RALGAPA2: variants seen among roughly 807,000 people sequenced by gnomAD.
The protein encoded by RALGAPA2 is ral GTPase-activating protein subunit alpha-2.
Under a neutral mutation model 230.4 loss-of-function variants are expected in RALGAPA2, and 139 were observed. The observed-to-expected ratio is 0.60, with a 90% confidence interval of 0.53 to 0.69. The LOEUF (loss-of-function observed/expected upper bound fraction) is 0.69. RALGAPA2 is among the 30% of genes least tolerant of loss of function. The probability of loss-of-function intolerance (pLI) is 0.00; values close to 1 mark genes in which losing one functional copy is unlikely to be tolerated. For synonymous variants in RALGAPA2, 847 were observed against 837.8 expected (o/e 1.01, Z -0.19); for missense variants, 2,163 against 2,276.0 (o/e 0.95, Z 1.01).
At chr20:20,540,788 T>C (rs573542799) in intron 24 of RALGAPA2, among the ~76,000 whole-genome samples, 1 of 152,080 alleles carries the variant, frequency 6.6e-6, no homozygotes, top group African/African-American at 2.4e-5. Flanking sequence ...TAAAAATTTA[T>C]ATATTTAAAG....
Position 20,512,781 on chromosome 20 carries a change from T to C in RALGAPA2, c.4588A>G (p.Thr1530Ala). ...LDKLLENIGH[T>A]SPECLLPSQL... ...GACGGTAAAAGGCATTCAGGACTTGTATGGCCAATGTTTTCAAGTAATTTG... is the reference window on the plus strand; with the variant it reads ...GACGGTAAAAGGCATTCAGGACTTGCATGGCCAATGTTTTCAAGTAATTTG... Residue 1530 changes from threonine (T) to alanine (A), a missense_variant, in exon 32 of 40, where the codon ACA becomes GCA. Transcript: ENST00000202677. 6.2e-7 allele frequency: 1 copy of C among 1,613,896 alleles called. No homozygotes were observed. The highest frequency in any genetic ancestry group is 8.5e-7 in the Non-Finnish European group (1 of 1,179,772).
At chr20:20,460,627 C>T (rs1023577349) in intron 37 of RALGAPA2, among the ~76,000 whole-genome samples, 1 of 152,182 alleles carries the variant, frequency 6.6e-6, no homozygotes, top group Non-Finnish European at 1.5e-5. Context: ...TTTTACATTG[C>T]TTTATGTTTC....
chr20:20,403,705 C>A (rs1453194930), intron 38 of RALGAPA2, among the ~76,000 whole-genome samples: 1 of 152,128 alleles, frequency 6.6e-6, no homozygotes, highest in Non-Finnish European at 1.5e-5. Flanking sequence ...TTCTCTGCAC[C>A]CTAGGGATGT....
chr20:20,702,051 AAAAAG>A, intron 1 of RALGAPA2, among the ~76,000 whole-genome samples: 1 of 152,130 alleles, frequency 6.6e-6, no homozygotes, highest in South Asian at 2.1e-4. Flanking sequence ...ATAAAAAAAA[AAAAAG>A]AAAGAAAGAA....
chr20:20,405,703 G>A (rs550441281), intron 38 of RALGAPA2, among the ~76,000 whole-genome samples: 103 of 152,238 alleles, frequency 6.8e-4, no homozygotes, highest in African/African-American at 2.4e-3. Flanking sequence ...TCAGTTACTC[G>A]GTCTGTGGAT....
intron 3 of RALGAPA2, among the ~76,000 whole-genome samples, chr20:20,669,838 G>A (rs527506136): frequency 7.9e-5 from 12 of 152,192 alleles, no homozygotes; most frequent in Non-Finnish European, 8.8e-5. Flanking sequence ...TGATTAAAAC[G>A]AATCTCAGGT....
intron 23 of RALGAPA2, among the ~76,000 whole-genome samples, chr20:20,567,678 G>C (rs1280729605): frequency 6.6e-6 from 1 of 151,718 alleles, no homozygotes; most frequent in Non-Finnish European, 1.5e-5. Context: ...ATATTTTTTT[G>C]AAGTTTCATT....
At position 20,605,399 on chromosome 20, in the gene RALGAPA2, G is replaced by C; in HGVS notation, c.1814C>G (p.Ala605Gly). 6.2e-7 allele frequency: 1 copy of C among 1,613,146 alleles called. No individual in the cohort carries two copies. The highest frequency in any genetic ancestry group is 8.5e-7 in the Non-Finnish European group (1 of 1,179,296). The change falls in exon 15 of 40, where the codon GCT becomes GGT. Residue 605 changes from alanine (A) to glycine (G), a missense_variant. Transcript: ENST00000202677. Reference protein sequence around the residue: ...AGLLFRTLMVAWIRANLCVYI... With the variant: ...AGLLFRTLMVGWIRANLCVYI... The stretch of plus-strand genomic sequence containing the variant: ...CACACAGAGGTTTGCTCGGATCCAA[G>C]CTACCATGAGCGTCTAAAACCAACC...
chr20:20,686,338 G>T (rs1054621950), intron 1 of RALGAPA2, among the ~76,000 whole-genome samples: 1 of 152,162 alleles, frequency 6.6e-6, no homozygotes, highest in Non-Finnish European at 1.5e-5. Context: ...TTGAGGTCAG[G>T]AGTTCAAGAC....
At chr20:20,590,018 A>T (rs2065240948) in intron 17 of RALGAPA2, among the ~76,000 whole-genome samples, 1 of 151,182 alleles carries the variant, frequency 6.6e-6, no homozygotes, top group Non-Finnish European at 1.5e-5. Context: ...AAATTATATT[A>T]ATATAATATG....
chr20:20,669,008 AG>A lies in RALGAPA2; in HGVS notation c.270+7227del, dbSNP rs569373225. ...GGAAGGCTAATGACAAGATAGAAAC[AG>A]GGTTTAATATAGTGGGGTAATTTAA... is the stretch of plus-strand genomic sequence containing the variant. On this transcript the variant is annotated intron_variant, in intron 3 of 39. Coordinates refer to ENST00000202677, the MANE Select transcript of RALGAPA2 (RefSeq NM_020343.4). 6.6e-5 allele frequency among the ~76,000 whole-genome samples: 10 copies of A among 152,322 alleles called. No individual in the cohort carries two copies. The South Asian group carries it at 2.1e-3, about 32-fold the overall frequency.
intron 27 of RALGAPA2, among the ~76,000 whole-genome samples, chr20:20,529,155 C>T (rs2063304973): frequency 6.6e-6 from 1 of 152,206 alleles, no homozygotes; most frequent in African/African-American, 2.4e-5. Flanking sequence ...AATGAGTTTC[C>T]TGTTATTAAT....
intron 23 of RALGAPA2, among the ~76,000 whole-genome samples, chr20:20,568,330 T>A (rs1195475498): frequency 6.6e-6 from 1 of 152,182 alleles, no homozygotes; most frequent in South Asian, 2.1e-4. Flanking sequence ...CTTGATAAAT[T>A]CATTGTGTTA....
intron 4 of RALGAPA2, among the ~76,000 whole-genome samples, chr20:20,649,096 T>C (rs2067311359): frequency 6.6e-6 from 1 of 152,178 alleles, no homozygotes; most frequent in Admixed American, 6.5e-5. Context: ...CCAGGTGAGT[T>C]GGCCCCTAAG....
chr20:20,400,328 G>A (rs1194581201), intron 38 of RALGAPA2, among the ~76,000 whole-genome samples: 1 of 152,176 alleles, frequency 6.6e-6, no homozygotes, highest in African/African-American at 2.4e-5. Flanking sequence ...TGTTGGTCTT[G>A]CCCATCACCC....
At position 20,393,201 on chromosome 20, in the gene RALGAPA2, C is replaced by T. The variant is rs766943220; in HGVS notation, c.*88G>A. 9 of 1,350,288 alleles carry T rather than the reference C, an allele frequency of 6.7e-6. No individual in the cohort carries two copies. The highest frequency in any genetic ancestry group is 4.5e-5 in the African/African-American group (3 of 67,390). The allele number at this position is 1,350,288 out of a possible 1,614,324, so 83.6% of individuals were successfully genotyped here. ...GAGGCAGGAGAGGGTGTTCTGTCTC[C>T]TCCTCACTCAGGGGCTCTTCGAGGT... On this transcript the variant is annotated 3_prime_UTR_variant, in exon 40 of 40. Coordinates refer to ENST00000202677, the MANE Select transcript of RALGAPA2 (RefSeq NM_020343.4).
chr20:20,588,611 G>A (rs1314099007), intron 18 of RALGAPA2, among the ~76,000 whole-genome samples: 1 of 152,074 alleles, frequency 6.6e-6, no homozygotes, highest in Non-Finnish European at 1.5e-5. Context: ...ATATACAAAT[G>A]TAAACTGGTA....
chr20:20,681,786 T>G (rs989673683), intron 1 of RALGAPA2, among the ~76,000 whole-genome samples: 11 of 151,860 alleles, frequency 7.2e-5, no homozygotes, highest in Admixed American at 2.0e-4. Flanking sequence ...AACTCAGGAG[T>G]TTCCTGAGGC....
chr20:20,436,792 C>T (rs1462424280), intron 37 of RALGAPA2, among the ~76,000 whole-genome samples: 1 of 152,244 alleles, frequency 6.6e-6, no homozygotes, highest in African/African-American at 2.4e-5. Context: ...GCCCCAGGCT[C>T]CTGGAAGGGA....
Sources: gnomAD v4.1 joint callset for allele counts (sites outside exome capture counted in the v4.1 genomes callset) on GRCh38, gnomAD v4.1.1 for gene constraint, MANE v1.5 for transcripts, NCBI Gene and HGNC (gene_info 2026-07-23, HGNC 2026-07-21) for gene names.